Variants in IL10RB observed in about 807,000 individuals in gnomAD.
The protein encoded by IL10RB is interleukin-10 receptor subunit beta.
In IL10RB, 30 loss-of-function variants were observed where a neutral mutation model predicts 38.7. The observed-to-expected ratio is 0.78, with a 90% CI of 0.58 to 1.05. IL10RB has a LOEUF of 1.05. Ranked by LOEUF, IL10RB falls within the 50% of genes least tolerant of loss-of-function variation. IL10RB has a pLI of 0.00. For synonymous variants in IL10RB, 142 were observed against 145.9 expected, an observed-to-expected ratio of 0.97 and a Z score of 0.19; for missense variants, 328 against 397.1, an observed-to-expected ratio of 0.83 and a Z score of 1.48.
intron 6 of IL10RB, among the ~76,000 whole-genome samples, chr21:33,295,531 G>T (rs1289249724): frequency 6.7e-6 from 1 of 149,318 alleles, no homozygotes. Flanking sequence ...AATTAGCCAG[G>T]CATGGTGGCG....
rs566615322 is a variant in IL10RB, at chr21:33,302,857, G to T, written c.130-6119G>T. ...AGTCCGGCTCCTAGTTAGAATCCCA[G>T]GGCTGGTTTTTCAGGACTGACCCTG... On this transcript the variant is annotated intron_variant, in intron 1 of 1. Transcript: ENST00000609556. Among the ~76,000 whole-genome samples the T allele has an allele frequency of 2.0e-5, 3 of 152,314 alleles. No individual in the cohort carries two copies. The East Asian group carries it at 5.8e-4, about 29-fold the overall frequency.
At chr21:33,300,206 G>A (rs563307822), downstream of IL10RB, among the ~76,000 whole-genome samples, 3 of 152,258 alleles carry the variant, frequency 2.0e-5, no homozygotes, top group African/African-American at 4.8e-5. Flanking sequence ...TTGGGAGGCC[G>A]AGGTGGGTGG....
intron 2 of IL10RB, among the ~76,000 whole-genome samples, chr21:33,272,741 G>C (rs987943522): frequency 6.6e-6 from 1 of 152,150 alleles, no homozygotes; most frequent in Non-Finnish European, 1.5e-5. Flanking sequence ...CCACTGAGCC[G>C]GGCCAGCTCC....
chr21:33,273,870 G>A (rs754659882), intron 2 of IL10RB, among the ~76,000 whole-genome samples: 3 of 152,188 alleles, frequency 2.0e-5, no homozygotes, highest in Non-Finnish European at 4.4e-5. Flanking sequence ...TGAGATTGGA[G>A]CAATTCAGTC....
chr21:33,287,461 C>T (rs946761109), intron 5 of IL10RB, among the ~76,000 whole-genome samples: 1 of 152,072 alleles, frequency 6.6e-6, no homozygotes, highest in Non-Finnish European at 1.5e-5. Context: ...CAGGCTCAAG[C>T]GACCCTCCCA....
At chr21:33,304,179 C>T (rs1240281262) in intron 1 of IL10RB, among the ~76,000 whole-genome samples, 1 of 152,222 alleles carries the variant, frequency 6.6e-6, no homozygotes, top group East Asian at 1.9e-4. Flanking sequence ...GCGGGGACAG[C>T]ACAGCACAGC....
intron 6 of IL10RB, among the ~76,000 whole-genome samples, chr21:33,290,244 C>A (rs993910725): frequency 7.2e-5 from 11 of 152,022 alleles, no homozygotes; most frequent in Admixed American, 6.6e-5. Flanking sequence ...TGATCCCTCA[C>A]ACCACTGCAC....
intron 6 of IL10RB, chr21:33,293,940 G>T (rs1989539323): frequency 2.3e-5 from 11 of 469,918 alleles, no homozygotes. Flanking sequence ...GGTAAAAGGT[G>T]TTGTGTTAAC....
Position 33,288,220 on chromosome 21 carries a change from G to T in IL10RB, c.763G>T (p.Ala255Ser), listed in dbSNP as rs182875134. The T allele has an allele frequency of 6.2e-7, 1 of 1,614,026 alleles. No homozygotes were observed. Among genetic ancestry groups the T allele is most frequent in the East Asian group, 2.2e-5 (1 of 44,874 alleles). ...GTGCGTTTACAAGAAGACAAAGTAC[G>T]CCTTCTCCCCTAGGAATTCTCTTCC... Reference protein sequence around the residue: ...LWCVYKKTKYAFSPRNSLPQH... With the variant: ...LWCVYKKTKYSFSPRNSLPQH... The change falls in exon 6 of 7, where the codon GCC (alanine) becomes TCC (serine). Residue 255 changes from alanine (A) to serine (S), a missense_variant. Ala to Ser is a moderately conservative substitution (Grantham distance 99, BLOSUM62 1). Transcript: ENST00000290200.
chr21:33,304,560 GT>G (rs1201255594), intron 1 of IL10RB, among the ~76,000 whole-genome samples: 1 of 152,208 alleles, frequency 6.6e-6, no homozygotes, highest in Non-Finnish European at 1.5e-5. Context: ...CACTGATACT[GT>G]TTTCCTGAAA....
rs886057004 is a variant in IL10RB at position 33,296,377 on chromosome 21, C to T, written c.*20C>T. 2 of 1,610,246 alleles carry T rather than the reference C, an allele frequency of 1.2e-6. No individual in the cohort carries two copies. The highest frequency in any genetic ancestry group is 1.1e-5 in the South Asian group (1 of 91,024). ...AGCTAGGCTCTGAGAAGGAAACACA[C>T]TCGGCTGGGCACAGTGACGTACTCC... On this transcript the variant is annotated 3_prime_UTR_variant, in exon 7 of 7. Transcript: ENST00000290200.
At chr21:33,283,765 T>A (rs2834173) in intron 5 of IL10RB, among the ~76,000 whole-genome samples, 3 of 151,964 alleles carry the variant, frequency 2.0e-5, no homozygotes, top group Admixed American at 2.0e-4. Context: ...ACCATATGGA[T>A]CACTTCTAGC....
chr21:33,289,399 C>T (rs1404104584), intron 6 of IL10RB, among the ~76,000 whole-genome samples: 1 of 151,244 alleles, frequency 6.6e-6, no homozygotes, highest in Non-Finnish European at 1.5e-5. Flanking sequence ...CTGCTGGTGT[C>T]GGGACCACAA....
intron 1 of IL10RB, chr21:33,308,895 T>C (rs1371627676): frequency 2.6e-5 from 4 of 152,232 alleles, no homozygotes; most frequent in Non-Finnish European, 5.9e-5. Context: ...TGGCAAACCA[T>C]TGCCTTTAAG....
intron 3 of IL10RB, among the ~76,000 whole-genome samples, chr21:33,277,112 G>C (rs1989185707): frequency 6.6e-6 from 1 of 152,148 alleles, no homozygotes; most frequent in African/African-American, 2.4e-5. Flanking sequence ...AACATAACGT[G>C]ATAGGCAAAA....
At position 33,296,396 on chromosome 21, in the gene IL10RB, G is replaced by A. The variant is rs760973106; in HGVS notation, c.*39G>A. 9.4e-6 allele frequency: 15 copies of A among 1,594,112 alleles called. No homozygotes were observed. Among genetic ancestry groups the A allele is most frequent in the African/African-American group, 2.7e-5 (2 of 74,650 alleles). The stretch of plus-strand genomic sequence containing the variant: ...AACACACTCGGCTGGGCACAGTGAC[G>A]TACTCCATCTCACATCTGCCTCAGT... On this transcript the variant is annotated 3_prime_UTR_variant, in exon 7 of 7. Coordinates refer to ENST00000290200, the MANE Select transcript of IL10RB (RefSeq NM_000628.5).
intron 2 of IL10RB, 80 bp from the exon 3 acceptor site, chr21:33,276,516 C>A (rs778236682): frequency 9.6e-6 from 11 of 1,144,154 alleles, no homozygotes; most frequent in Admixed American, 1.7e-5. Flanking sequence ...GCCGCCCCCC[C>A]CTCCAAATTA....
chr21:33,307,758 G>A (rs2083002391), intron 1 of IL10RB, among the ~76,000 whole-genome samples: 1 of 152,100 alleles, frequency 6.6e-6, no homozygotes, highest in Non-Finnish European at 1.5e-5. Context: ...GCTGTCTCTT[G>A]TCCCTCTTTC....
intron 2 of IL10RB, among the ~76,000 whole-genome samples, chr21:33,273,145 A>G (rs1989110627): frequency 6.6e-6 from 1 of 152,200 alleles, no homozygotes; most frequent in African/African-American, 2.4e-5. Context: ...CACCTAGGCT[A>G]TGTGGTTTAG....
Sources: gnomAD v4.1 joint callset for allele counts (sites outside exome capture counted in the v4.1 genomes callset) on GRCh38, gnomAD v4.1.1 for gene constraint, MANE v1.5 for transcripts, NCBI Gene and HGNC (gene_info 2026-07-23, HGNC 2026-07-21) for gene names.